The following RASEF variants were observed in gnomAD, a reference collection of about 807,000 sequenced individuals.
RASEF encodes the protein ras and EF-hand domain-containing protein.
A neutral mutation model predicts 90.1 loss-of-function variants in RASEF; 68 were observed. The observed-to-expected ratio is 0.75, with a 90% CI of 0.62 to 0.92. The LOEUF is 0.92. Ranked by LOEUF, RASEF falls within the 40% of genes least tolerant of loss-of-function variation. The pLI is 0.00. For synonymous variants in RASEF, 331 were observed against 345.2 expected, an observed-to-expected ratio of 0.96 and a Z score of 0.46; for missense variants, 949 against 937.2, an observed-to-expected ratio of 1.01 and a Z score of -0.16.
the RASEF span, among the ~76,000 whole-genome samples, chr9:83,186,897 C>T: frequency 1.3e-5 from 2 of 152,060 alleles, no homozygotes; most frequent in African/African-American, 4.8e-5. Flanking sequence ...CCCACCAACA[C>T]CTTGGCCAAT....
At chr9:83,133,144 T>C in the RASEF span, among the ~76,000 whole-genome samples, 10 of 152,312 alleles carry the variant, frequency 6.6e-5, no homozygotes, top group South Asian at 2.1e-4. Flanking sequence ...GAGAGAGATT[T>C]TGTTCCTAAC....
At chr9:83,180,984 T>C in the RASEF span, among the ~76,000 whole-genome samples, 2 of 151,864 alleles carry the variant, frequency 1.3e-5, no homozygotes, top group African/African-American at 4.8e-5. Flanking sequence ...ATTCAAGTGA[T>C]ATTTTGGCCA....
intron 16 of RASEF, among the ~76,000 whole-genome samples, chr9:82,987,392 G>A (rs1034484821): frequency 2.6e-5 from 4 of 152,128 alleles, no homozygotes; most frequent in Non-Finnish European, 5.9e-5. Flanking sequence ...TTCTTTACTT[G>A]TCTAAAGCTT....
intron 1 of RASEF, among the ~76,000 whole-genome samples, chr9:83,045,111 T>C (rs1243266307): frequency 6.6e-6 from 1 of 152,192 alleles, no homozygotes; most frequent in African/African-American, 2.4e-5. Flanking sequence ...TTCTAAATAA[T>C]ATGTAAAGAG....
chr9:83,092,196 G>A, the RASEF span, among the ~76,000 whole-genome samples: 1 of 151,722 alleles, frequency 6.6e-6, no homozygotes, highest in Non-Finnish European at 1.5e-5. Flanking sequence ...ATCTTGCAAA[G>A]CTTCAGTTAA....
chr9:83,020,159 TAGGAGTCAAGG>T (rs1829415586), intron 3 of RASEF, among the ~76,000 whole-genome samples: 1 of 152,062 alleles, frequency 6.6e-6, no homozygotes, highest in Non-Finnish European at 1.5e-5. Context: ...ATATATGCCA[TAGGAGTCAAGG>T]ACAGGAAGAG....
chr9:83,018,576 A>T (rs758633876), intron 3 of RASEF, among the ~76,000 whole-genome samples: 20 of 151,738 alleles, frequency 1.3e-4, no homozygotes, highest in Admixed American at 3.3e-4. Context: ...TTTTTTTTTT[A>T]AAAGAAATTG....
intron 1 of RASEF, among the ~76,000 whole-genome samples, chr9:83,047,484 T>A (rs1332123288): frequency 2.0e-5 from 3 of 152,174 alleles, no homozygotes; most frequent in African/African-American, 7.2e-5. Flanking sequence ...TTCATTCCAA[T>A]TGACTTTTCA....
the RASEF span, among the ~76,000 whole-genome samples, chr9:83,106,924 G>A: frequency 3.9e-5 from 6 of 152,180 alleles, no homozygotes; most frequent in East Asian, 9.7e-4. Flanking sequence ...CCTGTCACAC[G>A]TGTCTGGCAT....
chr9:83,182,943 A>T, the RASEF span, among the ~76,000 whole-genome samples: 1 of 152,198 alleles, frequency 6.6e-6, no homozygotes. Context: ...TCATCACGCC[A>T]AGCGAAAGAA....
chr9:83,106,556 G>A, the RASEF span, among the ~76,000 whole-genome samples: 2 of 152,056 alleles, frequency 1.3e-5, no homozygotes, highest in Admixed American at 1.3e-4. Flanking sequence ...TAACCAAGTG[G>A]ATGACCCATG....
chr9:83,064,465 A>G (rs1259513532), upstream of RASEF, among the ~76,000 whole-genome samples: 1 of 152,152 alleles, frequency 6.6e-6, no homozygotes, highest in African/African-American at 2.4e-5. Flanking sequence ...CTAAAGATTG[A>G]TTTTTCCATA....
chr9:83,176,289 T>C, the RASEF span, among the ~76,000 whole-genome samples: 25 of 152,314 alleles, frequency 1.6e-4, 1 homozygote, highest in Admixed American at 1.3e-3. Flanking sequence ...TATCTGTTTG[T>C]CTCATATTAG....
At chr9:83,210,288 A>G in the RASEF span, among the ~76,000 whole-genome samples, 1 of 152,242 alleles carries the variant, frequency 6.6e-6, no homozygotes, top group Non-Finnish European at 1.5e-5. Context: ...ATGCACTTCA[A>G]CTAGAGCAAT....
chr9:83,071,784 G>C, the RASEF span, among the ~76,000 whole-genome samples: 1 of 152,128 alleles, frequency 6.6e-6, no homozygotes, highest in Non-Finnish European at 1.5e-5. Context: ...TGTGGCCTCA[G>C]GGCTGCTTCA....
the RASEF span, among the ~76,000 whole-genome samples, chr9:83,077,479 A>C: frequency 6.6e-6 from 1 of 152,174 alleles, no homozygotes; most frequent in African/African-American, 2.4e-5. Flanking sequence ...ACATATCCAC[A>C]AACTCTCCCC....
the RASEF span, among the ~76,000 whole-genome samples, chr9:83,146,311 T>C: frequency 1.3e-5 from 2 of 152,142 alleles, no homozygotes; most frequent in African/African-American, 2.4e-5. Flanking sequence ...AGGGTCCTTC[T>C]AGAACTAAAA....
At chr9:83,122,982 G>A in the RASEF span, among the ~76,000 whole-genome samples, 3 of 152,254 alleles carry the variant, frequency 2.0e-5, no homozygotes, top group African/African-American at 7.2e-5. Flanking sequence ...GCTCACGCCT[G>A]TAATCCCAAC....
chr9:83,028,874 T>C (rs934798777), intron 1 of RASEF, among the ~76,000 whole-genome samples: 1 of 152,054 alleles, frequency 6.6e-6, no homozygotes, highest in Admixed American at 6.6e-5. Flanking sequence ...CCTAATCCAA[T>C]CTTACTGGTC....
Sources: allele counts gnomAD v4.1 joint callset (sites outside exome capture counted in the v4.1 genomes callset), GRCh38; gene constraint gnomAD v4.1.1; transcripts MANE v1.5; gene names NCBI Gene and HGNC (gene_info 2026-07-23, HGNC 2026-07-21).